Variants in KDM4C observed in about 807,000 individuals in gnomAD.
The protein encoded by KDM4C is lysine-specific demethylase 4C.
KDM4C carries 81 observed loss-of-function variants against 129.3 expected under a neutral mutation model. The ratio of observed to expected loss-of-function variants is 0.63; its 90% CI spans 0.52 to 0.75. The LOEUF (loss-of-function observed/expected upper bound fraction) is 0.75, where lower values mean the gene tolerates loss of function less well. Among genes scored for constraint, KDM4C ranks in the 30% least tolerant of loss-of-function variants. The pLI is 0.00. For missense variants in KDM4C, 1,457 were observed against 1,304.0 expected (o/e 1.12, Z -1.81); for synonymous variants, 573 against 456.1 (o/e 1.26, Z -3.26).
At chr9:7,168,680 G>C (rs1017391266) in intron 20 of KDM4C, among the ~76,000 whole-genome samples, 2 of 152,156 alleles carry the variant, frequency 1.3e-5, no homozygotes, top group African/African-American at 4.8e-5. Flanking sequence ...CAGCTCCTTT[G>C]ATGGCATTTG....
At chr9:7,082,301 G>A (rs1587521469) in intron 17 of KDM4C, among the ~76,000 whole-genome samples, 1 of 152,318 alleles carries the variant, frequency 6.6e-6, no homozygotes, top group East Asian at 1.9e-4. Flanking sequence ...GGAATAATGT[G>A]TGTTCCACCT....
At chr9:7,021,581 G>C (rs911269185) in intron 15 of KDM4C, among the ~76,000 whole-genome samples, 2 of 152,172 alleles carry the variant, frequency 1.3e-5, no homozygotes, top group African/African-American at 4.8e-5. Flanking sequence ...CAGATGGGTA[G>C]TTTGCAAATG....
intron 17 of KDM4C, among the ~76,000 whole-genome samples, chr9:7,087,469 A>G (rs964073287): frequency 1.3e-5 from 2 of 152,174 alleles, no homozygotes; most frequent in Non-Finnish European, 2.9e-5. Flanking sequence ...TCAGTTATAA[A>G]CTGAAAATAA....
At chr9:6,880,447 G>A (rs1236959202) in intron 6 of KDM4C, among the ~76,000 whole-genome samples, 1 of 151,946 alleles carries the variant, frequency 6.6e-6, no homozygotes, top group Non-Finnish European at 1.5e-5. Flanking sequence ...TGCATCTTGG[G>A]GTATGGTTTT....
chr9:7,082,307 C>T (rs1016594051), intron 17 of KDM4C, among the ~76,000 whole-genome samples: 13 of 152,166 alleles, frequency 8.5e-5, no homozygotes, highest in Admixed American at 6.5e-4. Context: ...ATGTGTGTTC[C>T]ACCTGAGTTT....
chr9:6,854,546 C>CAAAAAAAAAAA (rs796548476), intron 5 of KDM4C, among the ~76,000 whole-genome samples: 1 of 108,640 alleles, frequency 9.2e-6, no homozygotes, highest in Non-Finnish European at 2.0e-5. Context: ...AAAAAAAAAA[C>CAAAAAAAAAAA]AAAAAAAAAA....
intron 8 of KDM4C, among the ~76,000 whole-genome samples, chr9:6,959,831 T>A (rs549380352): frequency 6.6e-6 from 1 of 152,218 alleles, no homozygotes; most frequent in Non-Finnish European, 1.5e-5. Context: ...GTCAACTTAA[T>A]TTATCACCAG....
At chr9:6,745,910 A>T (rs1411874619) in intron 1 of KDM4C, among the ~76,000 whole-genome samples, 2 of 151,456 alleles carry the variant, frequency 1.3e-5, no homozygotes, top group Non-Finnish European at 2.9e-5. Context: ...CACGGGTTCA[A>T]GTGATTCTCC....
intron 1 of KDM4C, among the ~76,000 whole-genome samples, chr9:6,770,215 C>CAAA (rs202070043): frequency 5.6e-4 from 75 of 134,196 alleles, no homozygotes; most frequent in Non-Finnish European, 9.8e-4. Context: ...CAAAAAACAC[C>CAAA]AAAAAAAAAA....
At chr9:7,106,347 G>A (rs947020210) in intron 18 of KDM4C, among the ~76,000 whole-genome samples, 1 of 152,220 alleles carries the variant, frequency 6.6e-6, no homozygotes, top group Non-Finnish European at 1.5e-5. Context: ...GTTTGTCTGT[G>A]TTCTCAACCA....
intron 17 of KDM4C, among the ~76,000 whole-genome samples, chr9:7,086,369 C>T (rs754948483): frequency 2.6e-5 from 4 of 152,216 alleles, no homozygotes; most frequent in Non-Finnish European, 4.4e-5. Context: ...ATAGTTATTA[C>T]TCTGTTGAGT....
chr9:6,935,991 T>G (rs2131349757), intron 8 of KDM4C, among the ~76,000 whole-genome samples: 1 of 152,304 alleles, frequency 6.6e-6, no homozygotes, highest in Middle Eastern at 3.4e-3. Flanking sequence ...AATTACATTG[T>G]CAGAAAAGTG....
At chr9:6,968,495 C>G (rs189033114) in intron 8 of KDM4C, among the ~76,000 whole-genome samples, 1 of 152,280 alleles carries the variant, frequency 6.6e-6, no homozygotes, top group Non-Finnish European at 1.5e-5. Context: ...GACGTCTGCT[C>G]TCTCTGATGT....
At chr9:6,815,988 T>A (rs1043066211) in intron 4 of KDM4C, among the ~76,000 whole-genome samples, 9 of 152,142 alleles carry the variant, frequency 5.9e-5, no homozygotes. Context: ...GACAAGAGAG[T>A]TTAACATTTA....
intron 15 of KDM4C, among the ~76,000 whole-genome samples, chr9:7,031,992 C>G (rs1826861142): frequency 6.6e-6 from 1 of 152,198 alleles, no homozygotes; most frequent in South Asian, 2.1e-4. Context: ...ATACCTTAGT[C>G]TACTTTCCAA....
At chr9:6,999,152 C>G (rs11789300) in intron 12 of KDM4C, among the ~76,000 whole-genome samples, 1 of 151,944 alleles carries the variant, frequency 6.6e-6, no homozygotes, top group Non-Finnish European at 1.5e-5. Flanking sequence ...TTGCCCTTTA[C>G]CTTTTGTAGA....
intron 17 of KDM4C, among the ~76,000 whole-genome samples, chr9:7,072,353 C>T (rs766499983): frequency 1.3e-5 from 2 of 151,974 alleles, no homozygotes; most frequent in African/African-American, 4.8e-5. Flanking sequence ...TCATAATCAC[C>T]CAAAAAATGG....
intron 17 of KDM4C, among the ~76,000 whole-genome samples, chr9:7,060,005 G>C (rs749662490): frequency 6.6e-6 from 1 of 152,028 alleles, no homozygotes; most frequent in Non-Finnish European, 1.5e-5. Flanking sequence ...CAAAAAGTTT[G>C]AAAACCACTG....
intron 19 of KDM4C, among the ~76,000 whole-genome samples, chr9:7,153,541 C>A (rs147852268): frequency 1.1e-3 from 165 of 152,290 alleles, no homozygotes; most frequent in African/African-American, 3.7e-3. Context: ...TCAATATGCT[C>A]CCTTCTTTTT....
Sources: gnomAD v4.1 joint callset for allele counts (sites outside exome capture counted in the v4.1 genomes callset) on GRCh38, gnomAD v4.1.1 for gene constraint, MANE v1.5 for transcripts, NCBI Gene and HGNC (gene_info 2026-07-23, HGNC 2026-07-21) for gene names.